AIPL1: variants seen among roughly 807,000 people sequenced by gnomAD.
AIPL1 encodes the protein aryl-hydrocarbon-interacting protein-like 1.
Under a neutral mutation model 32.9 loss-of-function variants are expected in AIPL1, and 23 were observed. The ratio of observed to expected loss-of-function variants is 0.70; its 90% confidence interval spans 0.50 to 0.99. AIPL1 has a LOEUF of 0.99. Among genes scored for constraint, AIPL1 ranks in the 50% least tolerant of loss-of-function variants. AIPL1 has a pLI of 0.00. For missense variants in AIPL1, 485 were observed against 506.0 expected (o/e 0.96, Z 0.40); for synonymous variants, 210 against 209.4 (o/e 1.00, Z -0.02).
rs763372162 is a variant in AIPL1 at position 6,426,726 on chromosome 17, G to A, written c.673C>T (p.Leu225=). ...ATCAGAGTATTGATCATCTTCTCCA[G>A]CTTCAGCCACTGCACCTCCCATGGC... is the stretch of plus-strand genomic sequence containing the variant. ...EKPWEVQWLK[L]EKMINTLILN... The change falls in exon 5 of 6, where the codon CTG becomes TTG. Residue 225 remains leucine (L), a synonymous_variant. Transcript: ENST00000381129. The A allele has an allele frequency of 1.7e-5, 27 of 1,613,890 alleles. No homozygotes were observed. In the Admixed American group the frequency reaches 4.5e-4, roughly 27 times the overall value.
At chr17:6,426,555 G>T (rs750932159) in intron 5 of AIPL1, 60 bp downstream of exon 5, 2 of 1,581,932 alleles carry the variant, frequency 1.3e-6, no homozygotes, top group Non-Finnish European at 1.7e-6. Flanking sequence ...GCTATGGCAG[G>T]TGTCTCCGTG....
chr17:6,431,656 C>A (rs1313697597), intron 2 of AIPL1, among the ~76,000 whole-genome samples: 2 of 152,146 alleles, frequency 1.3e-5, no homozygotes, highest in African/African-American at 4.8e-5. Context: ...AAAGACAGAA[C>A]AGAGTTCAAA....
At chr17:6,430,677 G>C (rs993371941) in intron 2 of AIPL1, among the ~76,000 whole-genome samples, 3 of 152,134 alleles carry the variant, frequency 2.0e-5, no homozygotes, top group Non-Finnish European at 4.4e-5. Flanking sequence ...TCATGTGTTA[G>C]CAAACGTGTA....
rs1276719586 is a variant in AIPL1, at chr17:6,425,730, C to T, written c.885G>A (p.Pro295=). ...CCCTGCGCACCGCCTTCTGCATGGA[C>T]GGCTCCAGCTCCAGCACTTTCTGGA... The part of the protein sequence containing the change: ...ADLQKVLELE[P]SMQKAVRREL... Residue 295 remains proline (P), a synonymous_variant, in exon 6 of 6, where the codon CCG becomes CCA. Transcript: ENST00000381129. 1.2e-6 allele frequency: 2 copies of T among 1,607,654 alleles called. No individual in the cohort carries two copies. Among genetic ancestry groups the T allele is most frequent in the Non-Finnish European group, 8.5e-7 (1 of 1,179,996 alleles).
chr17:6,428,180 T>C, intron 3 of AIPL1, 138 bp downstream of exon 3: 1 of 994,272 alleles, frequency 1.0e-6, no homozygotes, highest in Non-Finnish European at 1.5e-6. Context: ...TATTCTCCCA[T>C]GGCTTATGAA....
At chr17:6,434,323 G>A (rs374960351) in intron 1 of AIPL1, among the ~76,000 whole-genome samples, 7 of 145,252 alleles carry the variant, frequency 4.8e-5, no homozygotes, top group African/African-American at 1.0e-4. Flanking sequence ...AGCCCTGTGC[G>A]TCCAGAAATC....
intron 2 of AIPL1, among the ~76,000 whole-genome samples, chr17:6,428,935 G>A (rs1165849182): frequency 6.6e-6 from 1 of 152,184 alleles, no homozygotes; most frequent in Admixed American, 6.5e-5. Context: ...TCGCAGGAAG[G>A]GCAGTGTGGG....
intron 2 of AIPL1, among the ~76,000 whole-genome samples, chr17:6,432,455 T>G (rs1048021121): frequency 6.6e-6 from 1 of 152,128 alleles, no homozygotes; most frequent in East Asian, 1.9e-4. Flanking sequence ...CAAAGCGCTA[T>G]GCAGAGACTT....
At chr17:6,427,824 C>CT (rs1254861663) in intron 3 of AIPL1, among the ~76,000 whole-genome samples, 2 of 119,930 alleles carry the variant, frequency 1.7e-5, no homozygotes, top group Admixed American at 1.6e-4. Flanking sequence ...TTTTTTTTTT[C>CT]TTTTTTTTGG....
In AIPL1 at chr17:6,433,956, C is replaced by A; in HGVS notation, c.239G>T (p.Arg80Leu). The A allele has an allele frequency of 6.2e-7, 1 of 1,614,064 alleles. No homozygotes were observed. The highest frequency in any genetic ancestry group is 8.5e-7 in the Non-Finnish European group (1 of 1,179,996). Reference protein sequence around the residue: ...EVWEILLTSMRVHEVAEFWCD... With the variant: ...EVWEILLTSMLVHEVAEFWCD... ...CCAGAACTCGGCCACCTCGTGCACC[C>A]GCATGGAGGTAAGCAGGATCTCCCA... The change falls in exon 2 of 6, where the codon CGG (arginine) becomes CTG (leucine). Residue 80 changes from arginine to leucine, a missense_variant. Arg to Leu is a moderately radical substitution (Grantham distance 102, BLOSUM62 -2). Transcript: ENST00000381129.
Position 6,426,940 on chromosome 17 carries a change from C to T in AIPL1, c.583G>A (p.Glu195Lys), listed in dbSNP as rs200639956. The T allele has an allele frequency of 7.4e-6, 12 of 1,614,210 alleles. No homozygotes were observed. Among genetic ancestry groups the T allele is most frequent in the East Asian group, 4.5e-5 (2 of 44,876 alleles). Residue 195 changes from glutamate to lysine, a missense_variant, in exon 4 of 6, where the codon GAG becomes AAG. Physicochemically the swap from Glu to Lys is moderately conservative, Grantham distance 56 (BLOSUM62 1). Transcript: ENST00000381129. ...GNRLFKLGRY[E>K]EASSKYQEAI... is the part of the protein sequence containing the mutation. ...TCCTGGTACTTGGAAGAGGCCTCCTCGTAGCGGCCCAGCTTGAAGAGCCGA... is the reference window on the plus strand; with the variant it reads ...TCCTGGTACTTGGAAGAGGCCTCCTTGTAGCGGCCCAGCTTGAAGAGCCGA...
chr17:6,433,776 G>A (rs1395309474), intron 2 of AIPL1, 143 bp downstream of exon 2: 11 of 1,065,282 alleles, frequency 1.0e-5, no homozygotes, highest in Non-Finnish European at 1.3e-5. Context: ...CACATGCACA[G>A]CGGTGGGGAA....
rs139377432 is a variant in AIPL1, at chr17:6,431,047, G to A, written c.277-2541C>T. On this transcript the variant is annotated intron_variant, in intron 2 of 5. Coordinates refer to ENST00000381129, the MANE Select transcript of AIPL1 (RefSeq NM_014336.5). ...TGTGTGTAGGATGAAGAGGGAACCAGGCATCTCACCCAGATCTTTTCCCTT... is the reference window on the plus strand; with the variant it reads ...TGTGTGTAGGATGAAGAGGGAACCAAGCATCTCACCCAGATCTTTTCCCTT... Among the ~76,000 whole-genome samples the A allele has an allele frequency of 7.2e-5, 11 of 152,282 alleles. No homozygotes were observed. The East Asian group carries it at 1.9e-3, about 27-fold the overall frequency.
chr17:6,428,160 T>C (rs867622020), intron 3 of AIPL1, among the ~76,000 whole-genome samples, 158 bp downstream of exon 3: 1 of 152,216 alleles, frequency 6.6e-6, no homozygotes, highest in South Asian at 2.1e-4. Flanking sequence ...GGACTTTTTT[T>C]TCAAATTCGT....
chr17:6,433,760 C>T (rs1912861823), intron 2 of AIPL1, among the ~76,000 whole-genome samples, 159 bp downstream of exon 2: 1 of 151,722 alleles, frequency 6.6e-6, no homozygotes, highest in African/African-American at 2.4e-5. Flanking sequence ...TTGTTCCCTC[C>T]ATCTTCACAT....
At chr17:6,434,814 TA>T in intron 1 of AIPL1, 194 bp downstream of exon 1, 2 of 965,232 alleles carry the variant, frequency 2.1e-6, no homozygotes, top group Non-Finnish European at 3.0e-6. Context: ...CAGCCCATGC[TA>T]AAGTTGAATC....
rs375847248 is a variant in AIPL1, at chr17:6,426,761, C to T, written c.643-5G>A. The T allele has an allele frequency of 4.4e-5, 71 of 1,613,308 alleles. No individual in the cohort carries two copies. Among genetic ancestry groups the T allele is most frequent in the Non-Finnish European group, 5.7e-5 (67 of 1,179,780 alleles). Reference sequence around the variant, plus strand: ...CTGCACCTCCCATGGCTTCTCCTGCCCAGGGAGAAGGTCAGCCATGACCTC... The same window carrying T: ...CTGCACCTCCCATGGCTTCTCCTGCTCAGGGAGAAGGTCAGCCATGACCTC... On this transcript the variant is annotated splice_polypyrimidine_tract_variant and splice_region_variant and intron_variant, in intron 4 of 5. Coordinates refer to ENST00000381129, the MANE Select transcript of AIPL1 (RefSeq NM_014336.5).
At position 6,432,433 on chromosome 17, in the gene AIPL1, G is replaced by A. The variant is rs1912692755; in HGVS notation, c.276+1486C>T. Among the ~76,000 whole-genome samples, 3 of 152,044 alleles carry A rather than the reference G, an allele frequency of 2.0e-5. No individual in the cohort carries two copies. The South Asian group carries it at 6.2e-4, about 31-fold the overall frequency. ...GACCTATAGATAAAAAGGCACTTGA[G>A]AGACGCATCAACAAAGCGCTATGCA... On this transcript the variant is annotated intron_variant, in intron 2 of 5. Coordinates refer to ENST00000381129, the MANE Select transcript of AIPL1 (RefSeq NM_014336.5).
chr17:6,431,268 G>A (rs1912579083), intron 2 of AIPL1, among the ~76,000 whole-genome samples: 1 of 150,290 alleles, frequency 6.7e-6, no homozygotes, highest in Non-Finnish European at 1.5e-5. Context: ...CCAACATGAT[G>A]AAAACCTGTC....
Sources: allele counts gnomAD v4.1 joint callset (sites outside exome capture counted in the v4.1 genomes callset), GRCh38; gene constraint gnomAD v4.1.1; transcripts MANE v1.5; gene names NCBI Gene and HGNC (gene_info 2026-07-23, HGNC 2026-07-21).